DPP10: variants seen among roughly 807,000 people sequenced by gnomAD.
The protein encoded by DPP10 is inactive dipeptidyl peptidase 10.
In DPP10, 33 loss-of-function variants were observed where a neutral mutation model predicts 120.9. The ratio of observed to expected loss-of-function variants is 0.27; its 90% CI spans 0.21 to 0.37. DPP10 has a LOEUF of 0.37. DPP10 is among the 10% of genes least tolerant of loss of function. The pLI is 1.00. For synonymous variants in DPP10, 337 were observed against 326.1 expected (o/e 1.03, Z -0.36); for missense variants, 816 against 942.8 (o/e 0.87, Z 1.76).
At chr2:114,877,981 G>C (rs1035082970) in intron 1 of DPP10, among the ~76,000 whole-genome samples, 11 of 152,094 alleles carry the variant, frequency 7.2e-5, no homozygotes, top group African/African-American at 2.7e-4. Flanking sequence ...GAGAAAGAAG[G>C]CTGCTGGGAA....
At chr2:114,731,408 C>G (rs1046901661) in intron 1 of DPP10, among the ~76,000 whole-genome samples, 11 of 152,148 alleles carry the variant, frequency 7.2e-5, no homozygotes, top group Non-Finnish European at 1.3e-4. Flanking sequence ...CAAGGTCTCT[C>G]TCAGGAGAGC....
chr2:115,161,904 C>A, intron 1 of DPP10: 1 of 1,430,602 alleles, frequency 7.0e-7, no homozygotes, highest in Middle Eastern at 2.4e-4. Context: ...AAGTGACGGT[C>A]CCCGAGTCTG....
At chr2:115,207,880 T>C (rs563340598) in intron 1 of DPP10, among the ~76,000 whole-genome samples, 3 of 152,214 alleles carry the variant, frequency 2.0e-5, no homozygotes, top group South Asian at 4.1e-4. Context: ...GGCAATCACA[T>C]TGGGTGCAGG....
chr2:115,785,072 A>G (rs1683176001), intron 17 of DPP10, among the ~76,000 whole-genome samples: 1 of 152,166 alleles, frequency 6.6e-6, no homozygotes, highest in Non-Finnish European at 1.5e-5. Flanking sequence ...TCTGGCCTAG[A>G]AGTACTTTCT....
intron 1 of DPP10, among the ~76,000 whole-genome samples, chr2:115,036,934 T>C (rs955426362): frequency 6.6e-6 from 1 of 152,174 alleles, no homozygotes; most frequent in African/African-American, 2.4e-5. Flanking sequence ...TTTTCAGGCC[T>C]CAGGATCAAA....
intron 1 of DPP10, chr2:114,463,396 T>TATAC (rs1320939545): frequency 1.3e-5 from 2 of 152,184 alleles, no homozygotes; most frequent in African/African-American, 4.8e-5. Context: ...TCCATCCAGG[T>TATAC]ATACATACAT....
At chr2:115,537,872 A>C (rs1261137163) in intron 5 of DPP10, among the ~76,000 whole-genome samples, 1 of 151,908 alleles carries the variant, frequency 6.6e-6, no homozygotes, top group Non-Finnish European at 1.5e-5. Flanking sequence ...CTATACTTTC[A>C]AAGTGGCTCA....
At chr2:115,006,691 A>G (rs1465001509) in intron 1 of DPP10, among the ~76,000 whole-genome samples, 2 of 151,706 alleles carry the variant, frequency 1.3e-5, no homozygotes, top group African/African-American at 4.8e-5. Flanking sequence ...ATATGCACCC[A>G]ATACAGGAGC....
At chr2:115,534,117 TTTA>T (rs1231167096) in intron 5 of DPP10, among the ~76,000 whole-genome samples, 2 of 151,982 alleles carry the variant, frequency 1.3e-5, no homozygotes, top group African/African-American at 2.4e-5. Context: ...TTTATTTTTT[TTTA>T]TTATTATACT....
At chr2:115,646,437 T>C (rs972418037) in intron 5 of DPP10, among the ~76,000 whole-genome samples, 1 of 152,088 alleles carries the variant, frequency 6.6e-6, no homozygotes, top group Non-Finnish European at 1.5e-5. Flanking sequence ...TTAACAAAAT[T>C]AAGAGATAAG....
intron 1 of DPP10, among the ~76,000 whole-genome samples, chr2:114,882,668 C>CA (rs1376431395): frequency 2.0e-5 from 3 of 151,816 alleles, no homozygotes; most frequent in Admixed American, 2.0e-4. Flanking sequence ...CCCTGTACCC[C>CA]AAAAACAATT....
chr2:114,669,796 G>T (rs1698195722), intron 1 of DPP10, among the ~76,000 whole-genome samples: 1 of 151,826 alleles, frequency 6.6e-6, no homozygotes. Context: ...TCATTTCAGG[G>T]AGAAAAAATA....
At chr2:115,614,931 A>G (rs1401234655) in intron 5 of DPP10, among the ~76,000 whole-genome samples, 1 of 152,166 alleles carries the variant, frequency 6.6e-6, no homozygotes, top group Non-Finnish European at 1.5e-5. Context: ...AGCTAAACAA[A>G]TTGCCCTCAA....
At chr2:115,790,283 G>A (rs557993217) in intron 17 of DPP10, among the ~76,000 whole-genome samples, 1 of 151,680 alleles carries the variant, frequency 6.6e-6, no homozygotes, top group Non-Finnish European at 1.5e-5. Context: ...GTTTCACCTT[G>A]TTAGCCAGGA....
At chr2:115,538,416 C>T (rs991267099) in intron 5 of DPP10, among the ~76,000 whole-genome samples, 1 of 152,056 alleles carries the variant, frequency 6.6e-6, no homozygotes, top group South Asian at 2.1e-4. Flanking sequence ...TTGTTCTATA[C>T]ACTTTAATGA....
At chr2:114,585,006 T>A (rs183923867) in intron 1 of DPP10, among the ~76,000 whole-genome samples, 1 of 152,312 alleles carries the variant, frequency 6.6e-6, no homozygotes, top group African/African-American at 2.4e-5. Flanking sequence ...AAAGCTTGTG[T>A]TAGCTTTTTA....
chr2:115,513,574 C>T (rs908756695), intron 4 of DPP10, among the ~76,000 whole-genome samples: 5 of 151,814 alleles, frequency 3.3e-5, no homozygotes, highest in African/African-American at 1.2e-4. Context: ...TTGTAATTTA[C>T]AACTAGCATC....
chr2:114,585,821 A>G (rs1690931775), intron 1 of DPP10, among the ~76,000 whole-genome samples: 1 of 152,230 alleles, frequency 6.6e-6, no homozygotes, highest in Non-Finnish European at 1.5e-5. Context: ...GTATGACACC[A>G]ACATGTGGGA....
chr2:115,311,570 TTG>T (rs1018574496), intron 2 of DPP10, among the ~76,000 whole-genome samples: 2 of 152,192 alleles, frequency 1.3e-5, no homozygotes, highest in African/African-American at 4.8e-5. Context: ...CCATAGGTAA[TTG>T]TGGAGTTCTC....
Sources: gnomAD v4.1 joint callset for allele counts (sites outside exome capture counted in the v4.1 genomes callset) on GRCh38, gnomAD v4.1.1 for gene constraint, MANE v1.5 for transcripts, NCBI Gene and HGNC (gene_info 2026-07-23, HGNC 2026-07-21) for gene names.